Variants in RFTN1 observed in about 807,000 individuals in gnomAD.
RFTN1 encodes the protein raftlin, lipid raft linker 1.
Under a neutral mutation model 46.5 loss-of-function variants are expected in RFTN1, and 26 were observed. That is an observed-to-expected ratio of 0.56 (90% CI 0.41 to 0.78). The LOEUF (loss-of-function observed/expected upper bound fraction) is 0.78, where lower values mean the gene tolerates loss of function less well. RFTN1 is among the 30% of genes least tolerant of loss of function. The pLI is 0.00. For synonymous variants in RFTN1, 261 were observed against 284.2 expected, an observed-to-expected ratio of 0.92 and a Z score of 0.82; for missense variants, 693 against 718.7, an observed-to-expected ratio of 0.96 and a Z score of 0.41.
rs1311955936 is a variant in RFTN1 at position 16,356,743 on chromosome 3, G to T, written c.1146+1189C>A. Among the ~76,000 whole-genome samples, 1 of 152,118 alleles carries T rather than the reference G, an allele frequency of 6.6e-6. No homozygotes were observed. The highest frequency in any genetic ancestry group is 6.5e-5 in the Admixed American group (1 of 15,268). ...GTTGTATCCACCTCTGTCTTCCCTC[G>T]GCCTGGAGAGCCCTCTTTGGCAGAG... On this transcript the variant is annotated intron_variant, in intron 7 of 9. Transcript: ENST00000334133. This position sits in a 1 kb window ranked among gnomAD's most constrained non-coding sequence, Gnocchi z 4.9.
At chr3:16,414,418 C>A (rs1220071265) in intron 3 of RFTN1, among the ~76,000 whole-genome samples, 2 of 151,756 alleles carry the variant, frequency 1.3e-5, no homozygotes, top group African/African-American at 4.8e-5. Context: ...ACCAGCCTGG[C>A]CAACATGGCA....
intron 2 of RFTN1, among the ~76,000 whole-genome samples, chr3:16,438,767 G>A (rs2075565167): frequency 6.6e-6 from 1 of 152,078 alleles, no homozygotes; most frequent in African/African-American, 2.4e-5. Flanking sequence ...GATGATGTGT[G>A]TGTAATCTAC....
chr3:16,372,411 G>C (rs1259114057), intron 5 of RFTN1, among the ~76,000 whole-genome samples: 1 of 152,174 alleles, frequency 6.6e-6, no homozygotes, highest in Non-Finnish European at 1.5e-5. Context: ...ATGGCTGCAG[G>C]TAGAGAGGCT....
intron 4 of RFTN1, 109 bp downstream of exon 4, chr3:16,409,265 CT>C (rs2074932495): frequency 1.4e-6 from 1 of 716,752 alleles, no homozygotes; most frequent in Non-Finnish European, 2.4e-6. Context: ...GGTCACAGCT[CT>C]TGCATGGCCT....
Position 16,327,614 on chromosome 3 carries a change from A to T in RFTN1, c.1147-738T>A, listed in dbSNP as rs2069843814. On this transcript the variant is annotated intron_variant, in intron 7 of 9. Coordinates refer to ENST00000334133, the MANE Select transcript of RFTN1 (RefSeq NM_015150.2). The surrounding 1 kb of genome is among the most constrained non-coding windows in gnomAD (Gnocchi z 4.2). ...CTCTACTAAAAATACAAAAAAAATTAGCCAGGCCTGGTGGCGGGCGCCTGT... is the reference window on the plus strand; with the variant it reads ...CTCTACTAAAAATACAAAAAAAATTTGCCAGGCCTGGTGGCGGGCGCCTGT... 6.6e-6 allele frequency among the ~76,000 whole-genome samples: 1 copy of T among 152,060 alleles called. No individual in the cohort carries two copies. The highest frequency in any genetic ancestry group is 2.1e-4 in the South Asian group (1 of 4,820).
chr3:16,372,260 C>T lies in RFTN1; in HGVS notation c.827-1981G>A, dbSNP rs79028078. Among the ~76,000 whole-genome samples, 1,272 of 152,276 alleles carry T rather than the reference C, an allele frequency of 8.4e-3. 51 individuals are homozygous for T. The East Asian group carries it at 0.1, about 12-fold the overall frequency. On this transcript the variant is annotated intron_variant, in intron 5 of 9. Transcript: ENST00000334133. ...CATGTTACCACTGGGGCAGCTAGGG[C>T]TCAATCCCAACAAGGACCCTGAGAC...
rs1342477687 is a variant in RFTN1, at chr3:16,442,835, T to C, written c.146-8798A>G. Among the ~76,000 whole-genome samples the C allele has an allele frequency of 6.6e-6, 1 of 152,238 alleles. No individual in the cohort carries two copies. The highest frequency in any genetic ancestry group is 1.5e-5 in the Non-Finnish European group (1 of 68,042). On this transcript the variant is annotated intron_variant, in intron 2 of 9. Transcript: ENST00000334133. The surrounding 1 kb of genome is among the most constrained non-coding windows in gnomAD (Gnocchi z 4.1). ...CATATATGCAAGATTACGTAGTATTTTTCCTTCTGTGTCTGGCTTATTTCA... is the reference window on the plus strand; with the variant it reads ...CATATATGCAAGATTACGTAGTATTCTTCCTTCTGTGTCTGGCTTATTTCA...
chr3:16,434,062 A>T (rs1392396547), intron 2 of RFTN1, 25 bp from the exon 3 acceptor site: 4 of 1,539,538 alleles, frequency 2.6e-6, no homozygotes. Context: ...GGAGAGGCTC[A>T]TCAAAGACCC....
Position 16,513,611 on chromosome 3 carries a change from G to C in RFTN1, c.-178C>G, listed in dbSNP as rs1693772766. On this transcript the variant is annotated 5_prime_UTR_variant, in exon 1 of 10. Transcript: ENST00000334133. This position sits in a 1 kb window ranked among gnomAD's most constrained non-coding sequence, Gnocchi z 5.4. ...CGCGTGGTCGTGTGTCTGTCCCTCC[G>C]GCGATCGGTGCGTCTGTCCCTCGCC... The C allele has an allele frequency of 1.3e-5, 2 of 152,088 alleles. No individual in the cohort carries two copies. The highest frequency in any genetic ancestry group is 2.4e-5 in the African/African-American group (1 of 41,338). 9.4% of individuals were successfully genotyped at this position (152,088 alleles called of 1,614,324 possible).
rs1180304155 is a variant in RFTN1, at chr3:16,344,873, AC to A, written c.1146+13058del. Among the ~76,000 whole-genome samples, 2 of 151,944 alleles carry A rather than the reference AC, an allele frequency of 1.3e-5. No homozygotes were observed. The highest frequency in any genetic ancestry group is 1.5e-5 in the Non-Finnish European group (1 of 67,976). On this transcript the variant is annotated intron_variant, in intron 7 of 9. Transcript: ENST00000334133. The surrounding 1 kb of genome is among the most constrained non-coding windows in gnomAD (Gnocchi z 4.4). ...TGAGTGAACACATAACTACAAGAAC[AC>A]CCCCCAACCTTTTATGCTCACTGAT...
chr3:16,382,138 C>A lies in RFTN1; in HGVS notation c.442-4036G>T, dbSNP rs2074012794. Among the ~76,000 whole-genome samples, 1 of 152,146 alleles carries A rather than the reference C, an allele frequency of 6.6e-6. No homozygotes were observed. The highest frequency in any genetic ancestry group is 6.5e-5 in the Admixed American group (1 of 15,280). ...AGCATATTTGTAGCTCTGCTTATTT[C>A]CTTCAAATAGATTCCTGGAAGTAGA... On this transcript the variant is annotated intron_variant, in intron 4 of 9. Coordinates refer to ENST00000334133, the MANE Select transcript of RFTN1 (RefSeq NM_015150.2). This position sits in a 1 kb window ranked among gnomAD's most constrained non-coding sequence, Gnocchi z 4.7.
At position 16,340,053 on chromosome 3, in the gene RFTN1, G is replaced by GA. The variant is rs565082510; in HGVS notation, c.1147-13178dup. On this transcript the variant is annotated intron_variant, in intron 7 of 9. Transcript: ENST00000334133. ...GGAAGTTGGAAGTATATTCACGTAT[G>GA]AAAATTAGACACAGTCATGTACTGG... Among the ~76,000 whole-genome samples, 3 of 152,306 alleles carry GA rather than the reference G, an allele frequency of 2.0e-5. No homozygotes were observed. In the South Asian group the frequency reaches 6.2e-4, roughly 32 times the overall value.
rs1575210781 is a variant in RFTN1 at position 16,391,871 on chromosome 3, TTTTTTTTTTTGTTTTTTTTTTTG to T, written c.442-13792_442-13770del. 8.1e-4 allele frequency among the ~76,000 whole-genome samples: 13 copies of T among 16,096 alleles called. 1 individual carries two copies. Among genetic ancestry groups the T allele is most frequent in the Admixed American group, 1.4e-3 (2 of 1,382 alleles). The allele number at this position is 16,096 out of a possible 152,430, so 10.6% of individuals were successfully genotyped here. A position where few individuals can be genotyped will look rare whatever the true frequency, so the allele number is the denominator to read the frequency against. Reference sequence around the variant, plus strand: ...TCTAGTGCAAAGGTTTTTTTTTTGTTTTTTTTTTTTGTTTTTTTTTTTGTTTTTTTTACGGGGAAGAAAGCTAA... The same window carrying T: ...TCTAGTGCAAAGGTTTTTTTTTTGTTTTTTTTTTACGGGGAAGAAAGCTAA... On this transcript the variant is annotated intron_variant, in intron 4 of 9. Transcript: ENST00000334133.
chr3:16,331,062 A>G (rs561629704), intron 7 of RFTN1, among the ~76,000 whole-genome samples: 1 of 152,348 alleles, frequency 6.6e-6, no homozygotes, highest in East Asian at 1.9e-4. Context: ...CTTGTCTGAA[A>G]GGTGCTTGAG....
At chr3:16,486,182 A>G (rs954097265) in intron 2 of RFTN1, among the ~76,000 whole-genome samples, 4 of 151,676 alleles carry the variant, frequency 2.6e-5, no homozygotes, top group Non-Finnish European at 5.9e-5. Context: ...TCTTGTCCCC[A>G]CTGCCACTGT....
rs539965270 is a variant in RFTN1 at position 16,346,718 on chromosome 3, A to G, written c.1146+11214T>C. 6.6e-6 allele frequency among the ~76,000 whole-genome samples: 1 copy of G among 152,316 alleles called. No homozygotes were observed. The highest frequency in any genetic ancestry group is 2.1e-4 in the South Asian group (1 of 4,818). ...TCTGGGAAAGCTTTTACTTGCTAAT[A>G]AAAAGGGACGTGTGGCAGGAAAAAA... On this transcript the variant is annotated intron_variant, in intron 7 of 9. Transcript: ENST00000334133. The surrounding 1 kb of genome is among the most constrained non-coding windows in gnomAD (Gnocchi z 4.4).
At chr3:16,394,198 C>T (rs1003601212) in intron 4 of RFTN1, among the ~76,000 whole-genome samples, 1 of 151,488 alleles carries the variant, frequency 6.6e-6, no homozygotes, top group African/African-American at 2.4e-5. Flanking sequence ...ATAGCATGAC[C>T]CCATCTCTAT....
At chr3:16,423,254 A>G (rs902739036) in intron 3 of RFTN1, among the ~76,000 whole-genome samples, 1 of 151,506 alleles carries the variant, frequency 6.6e-6, no homozygotes, top group African/African-American at 2.5e-5. Context: ...TTCCACAGAC[A>G]TTAGGCAATG....
chr3:16,374,098 C>T lies in RFTN1; in HGVS notation c.826+3620G>A, dbSNP rs2073643605. On this transcript the variant is annotated intron_variant, in intron 5 of 9. Transcript: ENST00000334133. This position sits in a 1 kb window ranked among gnomAD's most constrained non-coding sequence, Gnocchi z 5.4. Reference sequence around the variant, plus strand: ...TGACAGCAGCCACAGGCATGTGTCCCATATTTACAAGGGCCTTTCACCTTC... The same window carrying T: ...TGACAGCAGCCACAGGCATGTGTCCTATATTTACAAGGGCCTTTCACCTTC... Among the ~76,000 whole-genome samples the T allele has an allele frequency of 1.3e-5, 2 of 152,196 alleles. No individual in the cohort carries two copies. Among genetic ancestry groups the T allele is most frequent in the South Asian group, 4.1e-4 (2 of 4,830 alleles).
Sources: gnomAD v4.1 joint callset for allele counts (sites outside exome capture counted in the v4.1 genomes callset) on GRCh38, gnomAD v4.1.1 for gene constraint, Gnocchi (gnomAD v3.1) non-coding constraint, MANE v1.5 for transcripts, NCBI Gene and HGNC (gene_info 2026-07-23, HGNC 2026-07-21) for gene names.